Variants in KCNN1 observed in about 807,000 individuals in gnomAD.
KCNN1 encodes potassium calcium-activated channel subfamily N member 1.
Under a neutral mutation model 44.7 loss-of-function variants are expected in KCNN1, and 20 were observed. The observed-to-expected ratio is 0.45, with a 90% CI of 0.32 to 0.65. The LOEUF (loss-of-function observed/expected upper bound fraction) is 0.65. Ranked by LOEUF, KCNN1 falls within the 30% of genes least tolerant of loss-of-function variation. The pLI is 0.05. For missense variants in KCNN1, 632 were observed against 785.3 expected (o/e 0.80, Z 2.33); for synonymous variants, 324 against 341.7 (o/e 0.95, Z 0.57).
At position 17,993,006 on chromosome 19, in the gene KCNN1, G is replaced by A; in HGVS notation, c.1299-48G>A. On this transcript the variant is annotated intron_variant, in intron 7 of 9. Coordinates refer to ENST00000684775, the MANE Select transcript of KCNN1 (RefSeq NM_001386974.1). This position sits in a 1 kb window ranked among gnomAD's most constrained non-coding sequence, Gnocchi z 4.5. ...GTACATGCCGAACAACTGTGCTGAG[G>A]TTAAAATTGCCTTGTGATTTTTCTC... is the stretch of plus-strand genomic sequence containing the variant. The A allele has an allele frequency of 1.9e-6, 3 of 1,611,874 alleles. No individual in the cohort carries two copies. The South Asian group carries it at 3.3e-5, about 18-fold the overall frequency.
upstream of KCNN1, among the ~76,000 whole-genome samples, chr19:17,963,502 G>A (rs1246830895): frequency 6.6e-6 from 1 of 151,928 alleles, no homozygotes; most frequent in Non-Finnish European, 1.5e-5. Flanking sequence ...TTTTGGTAGA[G>A]ACAGGGTTTT....
At position 17,967,142 on chromosome 19, in the gene KCNN1, G is replaced by T. The variant is rs1033206031; in HGVS notation, c.-257G>T. On this transcript the variant is annotated 5_prime_UTR_variant, in exon 1 of 10. Coordinates refer to ENST00000684775, the MANE Select transcript of KCNN1 (RefSeq NM_001386974.1). ...CCCCCGCCGGGCCCGTGGACTGGGCGGCGGGGGATGCGCCTGCCGCCGCCG... is the reference window on the plus strand; with the variant it reads ...CCCCCGCCGGGCCCGTGGACTGGGCTGCGGGGGATGCGCCTGCCGCCGCCG... The T allele has an allele frequency of 5.1e-6, 5 of 971,906 alleles. No individual in the cohort carries two copies. Among genetic ancestry groups the T allele is most frequent in the African/African-American group, 1.8e-5 (1 of 56,512 alleles). The allele number at this position is 971,906 out of a possible 1,614,324, so 60.2% of individuals were successfully genotyped here.
At position 17,983,806 on chromosome 19, in the gene KCNN1, C is replaced by A. The variant is rs1037587751; in HGVS notation, c.918-1506C>A. ...ACCCACCGACTAGAGGGCACCCCCC[C>A]GCCCCTCCTGCCCTCTGGGGGTCAG... On this transcript the variant is annotated intron_variant, in intron 4 of 9. Transcript: ENST00000684775. This position sits in a 1 kb window ranked among gnomAD's most constrained non-coding sequence, Gnocchi z 4.5. Among the ~76,000 whole-genome samples, 1 of 152,012 alleles carries A rather than the reference C, an allele frequency of 6.6e-6. No homozygotes were observed. The highest frequency in any genetic ancestry group is 2.4e-5 in the African/African-American group (1 of 41,398).
At chr19:17,963,994 G>T (rs768643189), upstream of KCNN1, among the ~76,000 whole-genome samples, 49 of 152,310 alleles carry the variant, frequency 3.2e-4, no homozygotes, top group Non-Finnish European at 6.3e-4. Flanking sequence ...CCTCTTTGGA[G>T]AGGGTTGTCC....
At position 17,967,224 on chromosome 19, in the gene KCNN1, GCGACCC is replaced by G; in HGVS notation, c.-172_-167del. Reference sequence around the variant, plus strand: ...CCGCTCGCTGCTGCCCGCCCCGTCCGCGACCCCGGCTCCGGCTCCCGACTGGGGGTC... The same window carrying G: ...CCGCTCGCTGCTGCCCGCCCCGTCCGCGGCTCCGGCTCCCGACTGGGGGTC... On this transcript the variant is annotated 5_prime_UTR_variant, in exon 1 of 10. Coordinates refer to ENST00000684775, the MANE Select transcript of KCNN1 (RefSeq NM_001386974.1). 1.0e-6 allele frequency: 1 copy of G among 965,968 alleles called. No individual in the cohort carries two copies. The highest frequency in any genetic ancestry group is 1.2e-6 in the Non-Finnish European group (1 of 815,022). The allele number at this position is 965,968 out of a possible 1,614,324, so 59.8% of individuals were successfully genotyped here.
rs143707342 is a variant in KCNN1, at chr19:17,971,652, C to T, written c.-81-2156C>T. Among the ~76,000 whole-genome samples the T allele has an allele frequency of 3.0e-4, 46 of 151,724 alleles. No homozygotes were observed. In the East Asian group the frequency reaches 8.0e-3, roughly 26 times the overall value. On this transcript the variant is annotated intron_variant, in intron 1 of 9. Coordinates refer to ENST00000684775, the MANE Select transcript of KCNN1 (RefSeq NM_001386974.1). The stretch of plus-strand genomic sequence containing the variant: ...TAATTTTTTGTCTTTTTAGTAGAGA[C>T]GGGGTTTCACCATGTTGGTCAGGCT...
At chr19:17,977,895 G>A (rs1404070493) in intron 3 of KCNN1, among the ~76,000 whole-genome samples, 2 of 152,034 alleles carry the variant, frequency 1.3e-5, no homozygotes, top group African/African-American at 2.4e-5. Context: ...GCCACAAATT[G>A]CATGCTTCCA....
In KCNN1 at chr19:17,983,220, GC is replaced by G. The variant is rs1302513059; in HGVS notation, c.917+1094del. Among the ~76,000 whole-genome samples the G allele has an allele frequency of 6.6e-6, 1 of 152,084 alleles. No individual in the cohort carries two copies. Among genetic ancestry groups the G allele is most frequent in the Non-Finnish European group, 1.5e-5 (1 of 67,990 alleles). On this transcript the variant is annotated intron_variant, in intron 4 of 9. Transcript: ENST00000684775. The surrounding 1 kb of genome is among the most constrained non-coding windows in gnomAD (Gnocchi z 4.5). Reference sequence around the variant, plus strand: ...CCTGGCAGTCTCAGAGGCAGGAGGGGCTCCGCCAGGCCTGGGGTGTGAGGGT... The same window carrying G: ...CCTGGCAGTCTCAGAGGCAGGAGGGGTCCGCCAGGCCTGGGGTGTGAGGGT...
At chr19:17,979,140 TAAA>T (rs71164334) in intron 3 of KCNN1, among the ~76,000 whole-genome samples, 11 of 103,318 alleles carry the variant, frequency 1.1e-4, no homozygotes, top group Non-Finnish European at 1.4e-4. Flanking sequence ...CCCTTCCTCT[TAAA>T]AAAAAAAAAA....
At chr19:17,985,245 G>A in intron 4 of KCNN1, 67 bp from the exon 5 acceptor site, 1 of 1,447,256 alleles carries the variant, frequency 6.9e-7, no homozygotes, top group Non-Finnish European at 9.2e-7. Context: ...CTGCCCCAGG[G>A]GGTGTGATGG....
chr19:17,977,430 A>G (rs2032242881), intron 3 of KCNN1, among the ~76,000 whole-genome samples: 1 of 151,534 alleles, frequency 6.6e-6, no homozygotes, highest in African/African-American at 2.4e-5. Context: ...CAGCCTCGAC[A>G]TCCTGGGCTT....
intron 9 of KCNN1, among the ~76,000 whole-genome samples, chr19:17,994,985 G>A (rs1001166454): frequency 2.6e-5 from 4 of 152,170 alleles, no homozygotes; most frequent in Non-Finnish European, 4.4e-5. Context: ...CTTTTGCTCA[G>A]TGGCTACATC....
chr19:17,990,116 C>T (rs1052129443), intron 7 of KCNN1: 14 of 605,906 alleles, frequency 2.3e-5, no homozygotes, highest in Admixed American at 4.3e-5. Flanking sequence ...GACTTTGAAG[C>T]GATTTCCTCT....
At chr19:17,977,541 G>A (rs1463177735) in intron 3 of KCNN1, among the ~76,000 whole-genome samples, 1 of 151,828 alleles carries the variant, frequency 6.6e-6, no homozygotes, top group East Asian at 1.9e-4. Flanking sequence ...GTAGAAAGGG[G>A]GTCTTACCAT....
At position 17,974,006 on chromosome 19, in the gene KCNN1, C is replaced by T. The variant is rs749521505; in HGVS notation, c.118C>T (p.Pro40Ser). The change falls in exon 2 of 10, where the codon CCG (proline) becomes TCG (serine). Residue 40 changes from proline (P) to serine (S), a missense_variant. Physicochemically the swap from Pro to Ser is moderately conservative, Grantham distance 74. Around this residue, in one of 3 missense-constraint regions of KCNN1, gnomAD observed 235 missense variants for 224.0 expected, o/e 1.05. Coordinates refer to ENST00000684775, the MANE Select transcript of KCNN1 (RefSeq NM_001386974.1). The surrounding 1 kb of genome is among the most constrained non-coding windows in gnomAD (Gnocchi z 7.3). ...CCACCCCCCACAACCCCCGCACAGCCCGGGCCTCCAGGTGGTAGTGGCCAA... is the reference window on the plus strand; with the variant it reads ...CCACCCCCCACAACCCCCGCACAGCTCGGGCCTCCAGGTGGTAGTGGCCAA... ...AGHPPQPPHS[P>S]GLQVVVAKSE... The T allele has an allele frequency of 8.1e-6, 13 of 1,596,130 alleles. No individual in the cohort carries two copies. Among genetic ancestry groups the T allele is most frequent in the Non-Finnish European group, 1.0e-5 (12 of 1,172,778 alleles).
chr19:17,958,031 A>G (rs2031585839), intron 2 of KCNN1, among the ~76,000 whole-genome samples: 1 of 152,020 alleles, frequency 6.6e-6, no homozygotes, highest in African/African-American at 2.4e-5. Context: ...GGGAGCACTC[A>G]TTGTGCTTGG....
At chr19:17,984,742 C>T (rs1254446733) in intron 4 of KCNN1, among the ~76,000 whole-genome samples, 1 of 152,124 alleles carries the variant, frequency 6.6e-6, no homozygotes, top group African/African-American at 2.4e-5. Context: ...CCAAATATAG[C>T]CCCAGGCATC....
At chr19:17,976,856 C>T (rs1017335224) in intron 3 of KCNN1, among the ~76,000 whole-genome samples, 3 of 151,930 alleles carry the variant, frequency 2.0e-5, no homozygotes, top group Admixed American at 6.6e-5. Context: ...GCTGGGATTA[C>T]AGGTGCCCGC....
intron 1 of KCNN1, among the ~76,000 whole-genome samples, chr19:17,952,649 T>C (rs1298462129): frequency 6.6e-6 from 1 of 152,020 alleles, no homozygotes; most frequent in African/African-American, 2.4e-5. Context: ...TCCTCAGTGG[T>C]GGGGGGAAAG....
Sources: allele counts gnomAD v4.1 joint callset (sites outside exome capture counted in the v4.1 genomes callset), GRCh38; gene constraint gnomAD v4.1.1; regional missense constraint gnomAD v4.1.1; non-coding constraint Gnocchi (gnomAD v3.1); transcripts MANE v1.5; gene names NCBI Gene and HGNC (gene_info 2026-07-23, HGNC 2026-07-21).